The following COMMD10 variants were observed in gnomAD, a reference collection of about 807,000 sequenced individuals.
COMMD10 encodes COMM domain-containing protein 10.
COMMD10 carries 33 observed loss-of-function variants against 28.9 expected under a neutral mutation model. That is an observed-to-expected ratio of 1.14 (90% confidence interval 0.87 to 1.53). The LOEUF is 1.53. Among genes scored for constraint, COMMD10 ranks in the 40% most tolerant of loss-of-function variants. The pLI is 0.00. For synonymous variants in COMMD10, 110 were observed against 81.7 expected (o/e 1.35, Z -1.87); for missense variants, 310 against 233.4 (o/e 1.33, Z -2.14).
At chr5:116,260,417 T>C (rs1053583133) in intron 5 of COMMD10, among the ~76,000 whole-genome samples, 1 of 151,854 alleles carries the variant, frequency 6.6e-6, no homozygotes, top group Non-Finnish European at 1.5e-5. Context: ...GATATTTTTA[T>C]TTCATGGTAG....
chr5:116,126,534 GC>G (rs1267198861), intron 4 of COMMD10, among the ~76,000 whole-genome samples: 12 of 151,976 alleles, frequency 7.9e-5, no homozygotes, highest in African/African-American at 2.9e-4. Context: ...ATACTACAAG[GC>G]TACAGTAACC....
In COMMD10 at chr5:116,171,085, T is replaced by G. The variant is rs140837391; in HGVS notation, c.510+36907T>G. Among the ~76,000 whole-genome samples, 1,228 of 152,290 alleles carry G rather than the reference T, an allele frequency of 8.1e-3. 20 individuals are homozygous for G. The highest frequency in any genetic ancestry group is 0.028 in the African/African-American group (1,152 of 41,550). On this transcript the variant is annotated intron_variant, in intron 5 of 6. Transcript: ENST00000274458. ...TGAGAAAAATTTTGCAATCTGTCCA[T>G]CTGAGAAAGGTCTAATATCCAGAAT...
intron 5 of COMMD10, among the ~76,000 whole-genome samples, chr5:116,281,958 T>G (rs1751080078): frequency 6.6e-6 from 1 of 151,848 alleles, no homozygotes; most frequent in Non-Finnish European, 1.5e-5. Flanking sequence ...TCCTGGGCAA[T>G]TTCATGTACT....
intron 5 of COMMD10, among the ~76,000 whole-genome samples, chr5:116,152,088 T>A (rs1306046724): frequency 1.3e-5 from 2 of 152,172 alleles, no homozygotes; most frequent in Non-Finnish European, 2.9e-5. Context: ...AAGAACATCT[T>A]TATTTCTGCC....
intron 5 of COMMD10, among the ~76,000 whole-genome samples, chr5:116,281,741 AT>A (rs1407510526): frequency 6.6e-6 from 1 of 151,882 alleles, no homozygotes; most frequent in Non-Finnish European, 1.5e-5. Context: ...TCGTTTACTG[AT>A]TTATTTTGAT....
chr5:116,235,746 G>A (rs1749644007), intron 5 of COMMD10, among the ~76,000 whole-genome samples: 1 of 152,116 alleles, frequency 6.6e-6, no homozygotes, highest in Non-Finnish European at 1.5e-5. Context: ...TCTTGTGTTG[G>A]TAACATCTTT....
chr5:116,217,843 A>G (rs1749144161), intron 5 of COMMD10, among the ~76,000 whole-genome samples: 1 of 152,052 alleles, frequency 6.6e-6, no homozygotes, highest in African/African-American at 2.4e-5. Context: ...CTTCGAAGAC[A>G]CCCTATTAGT....
At chr5:116,219,445 CA>C (rs1338704986) in intron 5 of COMMD10, among the ~76,000 whole-genome samples, 36 of 151,958 alleles carry the variant, frequency 2.4e-4, no homozygotes, top group African/African-American at 8.0e-4. Context: ...CTAGGTAGGC[CA>C]TAAGCACAAT....
chr5:116,215,452 G>T (rs562421035), intron 5 of COMMD10, among the ~76,000 whole-genome samples: 230 of 151,508 alleles, frequency 1.5e-3, no homozygotes, highest in Non-Finnish European at 2.3e-3. Context: ...ACTTTGGGAG[G>T]CCAAGGCTGG....
At chr5:116,234,283 T>G (rs1275915603) in intron 5 of COMMD10, among the ~76,000 whole-genome samples, 1 of 152,174 alleles carries the variant, frequency 6.6e-6, no homozygotes, top group Admixed American at 6.5e-5. Flanking sequence ...ATTGGACACC[T>G]ATGTCAATCA....
intron 4 of COMMD10, among the ~76,000 whole-genome samples, chr5:116,123,349 C>G (rs771253526): frequency 3.9e-5 from 6 of 152,122 alleles, no homozygotes; most frequent in Non-Finnish European, 7.3e-5. Flanking sequence ...GTTGTTGTTT[C>G]TATTTATGTG....
At chr5:116,285,643 A>G (rs1450674695) in intron 5 of COMMD10, among the ~76,000 whole-genome samples, 3 of 152,028 alleles carry the variant, frequency 2.0e-5, no homozygotes, top group Non-Finnish European at 4.4e-5. Flanking sequence ...CTGTTAATGC[A>G]GTGTAATACA....
chr5:116,096,052 CT>C (rs1443596001), intron 4 of COMMD10, among the ~76,000 whole-genome samples: 1 of 151,996 alleles, frequency 6.6e-6, no homozygotes, highest in East Asian at 1.9e-4. Context: ...AACCCACTGA[CT>C]TTTTTCTTCT....
At chr5:116,126,824 A>G (rs1486301871) in intron 4 of COMMD10, among the ~76,000 whole-genome samples, 2 of 152,212 alleles carry the variant, frequency 1.3e-5, no homozygotes, top group South Asian at 2.1e-4. Flanking sequence ...TAAAAACCCT[A>G]GGAGGAAACC....
intron 4 of COMMD10, among the ~76,000 whole-genome samples, chr5:116,126,341 C>T (rs1031785770): frequency 2.0e-5 from 3 of 152,122 alleles, no homozygotes; most frequent in Non-Finnish European, 4.4e-5. Context: ...TGAAAATGGC[C>T]ATACTGCCCA....
At chr5:116,209,392 G>C (rs533490020) in intron 5 of COMMD10, among the ~76,000 whole-genome samples, 3 of 152,256 alleles carry the variant, frequency 2.0e-5, no homozygotes, top group African/African-American at 7.2e-5. Context: ...CAAATCTGTA[G>C]TTAATACTGA....
chr5:116,252,043 T>C (rs1284613327), intron 5 of COMMD10, among the ~76,000 whole-genome samples: 1 of 149,762 alleles, frequency 6.7e-6, no homozygotes, highest in Non-Finnish European at 1.5e-5. Context: ...ATTTGTCTGA[T>C]GGCCAGTGAT....
chr5:116,215,695 AATATATATATATATATATATAT>A (rs58135204), intron 5 of COMMD10, among the ~76,000 whole-genome samples: 78 of 133,822 alleles, frequency 5.8e-4, no homozygotes, highest in East Asian at 1.1e-3. Flanking sequence ...TAAAAAAAGA[AATATATATATATATATATATAT>A]ATATATATAT....
chr5:116,228,430 CAAATT>C (rs933013999), intron 5 of COMMD10, among the ~76,000 whole-genome samples: 2 of 151,756 alleles, frequency 1.3e-5, no homozygotes, highest in African/African-American at 4.8e-5. Context: ...TTAATATAGA[CAAATT>C]AAAGAAAGTA....
Sources: allele counts gnomAD v4.1 joint callset (sites outside exome capture counted in the v4.1 genomes callset), GRCh38; gene constraint gnomAD v4.1.1; transcripts MANE v1.5; gene names NCBI Gene and HGNC (gene_info 2026-07-23, HGNC 2026-07-21).